MAP3K20: variants seen among roughly 807,000 people sequenced by gnomAD.
The protein encoded by MAP3K20 is HCCS-4.
Under a neutral mutation model 85.7 loss-of-function variants are expected in MAP3K20, and 40 were observed. That is an observed-to-expected ratio of 0.47 (90% CI 0.36 to 0.61). The LOEUF is 0.61. Among genes scored for constraint, MAP3K20 ranks in the 20% least tolerant of loss-of-function variants. The pLI is 0.00. For missense variants in MAP3K20, 817 were observed against 961.7 expected, an observed-to-expected ratio of 0.85 and a Z score of 1.99; for synonymous variants, 325 against 327.7, an observed-to-expected ratio of 0.99 and a Z score of 0.09.
intron 9 of MAP3K20, among the ~76,000 whole-genome samples, chr2:173,207,813 G>C (rs962825312): frequency 1.3e-5 from 2 of 150,364 alleles, no homozygotes; most frequent in African/African-American, 4.9e-5. Context: ...CCTAGACAAA[G>C]TGTTGTATTC....
rs146435167 is a variant in MAP3K20 at position 173,126,495 on chromosome 2, T to C, written c.159+35305T>C. Among the ~76,000 whole-genome samples the C allele has an allele frequency of 6.5e-3, 990 of 152,320 alleles. 8 individuals are homozygous for C. Among genetic ancestry groups the C allele is most frequent in the African/African-American group, 0.023 (941 of 41,570 alleles). On this transcript the variant is annotated intron_variant, in intron 2 of 19. Coordinates refer to ENST00000375213, the MANE Select transcript of MAP3K20 (RefSeq NM_016653.3). ...CCCAGGTTCAAGCGATTCTCATGCC[T>C]CAGCCTCCCAAGTAGCTGGGACTAC...
rs761040219 is a variant in MAP3K20 at position 173,266,731 on chromosome 2, G to A, written c.2384G>A (p.Arg795His). The A allele has an allele frequency of 4.6e-5, 70 of 1,514,190 alleles. No homozygotes were observed. The highest frequency in any genetic ancestry group is 7.0e-5 in the East Asian group (3 of 42,556). 93.8% of individuals were successfully genotyped at this position (1,514,190 alleles called of 1,614,324 possible). The change falls in exon 20 of 20, where the codon CGT (arginine) becomes CAT (histidine). Residue 795 changes from arginine (R) to histidine (H), a missense_variant. By Grantham distance (29) the Arg-to-His change is conservative. Coordinates refer to ENST00000375213, the MANE Select transcript of MAP3K20 (RefSeq NM_016653.3). Reference sequence around the variant, plus strand: ...AAAGAGAGAGCCAGAGGGGACCACCGTGGATGGAGAAACTTTTGATGAATT... The same window carrying A: ...AAAGAGAGAGCCAGAGGGGACCACCATGGATGGAGAAACTTTTGATGAATT... ...TNKERARGDH[R>H]GWRNF
At chr2:173,239,131 A>G (rs890233716) in intron 15 of MAP3K20, among the ~76,000 whole-genome samples, 9 of 152,208 alleles carry the variant, frequency 5.9e-5, no homozygotes, top group African/African-American at 2.2e-4. Context: ...TTTCTAGGGT[A>G]AAATTGCACA....
chr2:173,094,872 A>G (rs1234545889), intron 2 of MAP3K20, among the ~76,000 whole-genome samples: 3 of 152,182 alleles, frequency 2.0e-5, no homozygotes, highest in South Asian at 4.1e-4. Flanking sequence ...TTCCTTTGTA[A>G]TTAATAATTA....
chr2:173,101,261 A>C (rs1270257509), intron 2 of MAP3K20, among the ~76,000 whole-genome samples: 1 of 152,202 alleles, frequency 6.6e-6, no homozygotes, highest in Non-Finnish European at 1.5e-5. Context: ...TTTTATTTGC[A>C]AGCCAAAGCC....
At chr2:173,260,977 G>C in intron 17 of MAP3K20, 86 bp from the exon 18 acceptor site, 1 of 1,236,568 alleles carries the variant, frequency 8.1e-7, no homozygotes, top group Non-Finnish European at 1.2e-6. Context: ...TGCTAATTGT[G>C]TATGGCACAA....
rs563788391 is a variant in MAP3K20, at chr2:173,144,356, G to C, written c.160-25449G>C. On this transcript the variant is annotated intron_variant, in intron 2 of 19. Coordinates refer to ENST00000375213, the MANE Select transcript of MAP3K20 (RefSeq NM_016653.3). ...TGGGCACCTGTAGTCCCAGCTACTTGGGAGGCTGAGGCAGGAGAATGGTGT... is the reference window on the plus strand; with the variant it reads ...TGGGCACCTGTAGTCCCAGCTACTTCGGAGGCTGAGGCAGGAGAATGGTGT... Among the ~76,000 whole-genome samples the C allele has an allele frequency of 1.6e-3, 245 of 151,174 alleles. 1 individual carries two copies. The highest frequency in any genetic ancestry group is 3.8e-3 in the South Asian group (18 of 4,788).
chr2:173,087,311 G>T (rs912656115), intron 1 of MAP3K20, among the ~76,000 whole-genome samples: 12 of 152,226 alleles, frequency 7.9e-5, no homozygotes, highest in Admixed American at 2.0e-4. Flanking sequence ...ATAGGAGTTT[G>T]CTGTGCAGAG....
intron 16 of MAP3K20, among the ~76,000 whole-genome samples, chr2:173,242,791 C>T (rs553754272): frequency 6.0e-4 from 90 of 149,694 alleles, no homozygotes; most frequent in African/African-American, 2.0e-3. Flanking sequence ...ACTGCAACCT[C>T]CGCCTCCCAG....
At chr2:173,183,183 A>G (rs1380014100) in intron 4 of MAP3K20, among the ~76,000 whole-genome samples, 3 of 151,996 alleles carry the variant, frequency 2.0e-5, no homozygotes, top group Non-Finnish European at 4.4e-5. Flanking sequence ...ATTTCTATCC[A>G]CGAAATCTAG....
intron 16 of MAP3K20, among the ~76,000 whole-genome samples, chr2:173,250,365 G>A (rs960924356): frequency 6.6e-6 from 1 of 152,228 alleles, no homozygotes; most frequent in Non-Finnish European, 1.5e-5. Flanking sequence ...TTAGTGGAAA[G>A]AGAACACAGC....
intron 2 of MAP3K20, among the ~76,000 whole-genome samples, chr2:173,149,971 T>A (rs1289768667): frequency 6.6e-6 from 1 of 152,218 alleles, no homozygotes; most frequent in Non-Finnish European, 1.5e-5. Context: ...AGAGATGATA[T>A]GATGAATGAT....
intron 2 of MAP3K20, among the ~76,000 whole-genome samples, chr2:173,093,540 G>A (rs1459730365): frequency 6.6e-6 from 1 of 152,062 alleles, no homozygotes; most frequent in Admixed American, 6.5e-5. Context: ...ACTTTTCTCT[G>A]TTTTAGTGGG....
chr2:173,203,796 A>C lies in MAP3K20; in HGVS notation c.670A>C (p.Arg224=). The change falls in exon 9 of 20, where the codon AGA becomes CGA. Residue 224 remains arginine, a splice_region_variant and synonymous_variant. Transcript: ENST00000375213. ...TTTTGTTTCCCTCTGTCTATTGTAG[A>C]GATTAACCATTCCAAGCAGTTGCCC... ...VAWLVVEKNE[R]LTIPSSCPRS... is the part of the protein sequence containing the mutation. The C allele has an allele frequency of 6.2e-7, 1 of 1,612,876 alleles. No homozygotes were observed. Among genetic ancestry groups the C allele is most frequent in the Non-Finnish European group, 8.5e-7 (1 of 1,179,020 alleles).
chr2:173,136,292 T>A (rs893474914), intron 2 of MAP3K20, among the ~76,000 whole-genome samples: 7 of 152,244 alleles, frequency 4.6e-5, no homozygotes, highest in Admixed American at 2.6e-4. Flanking sequence ...TTCGTTCATG[T>A]TTCTTTCCCT....
At chr2:173,172,488 A>T (rs984528229) in intron 3 of MAP3K20, among the ~76,000 whole-genome samples, 4 of 152,188 alleles carry the variant, frequency 2.6e-5, no homozygotes, top group African/African-American at 4.8e-5. Flanking sequence ...CCAGAGCTTC[A>T]TAGATGGGTC....
At chr2:173,152,787 A>G (rs982627293) in intron 2 of MAP3K20, among the ~76,000 whole-genome samples, 1 of 152,234 alleles carries the variant, frequency 6.6e-6, no homozygotes, top group Non-Finnish European at 1.5e-5. Context: ...GTAATTTGAC[A>G]TAGTAGAAGT....
intron 11 of MAP3K20, chr2:173,223,373 C>T (rs1684303212): frequency 2.3e-6 from 2 of 888,576 alleles, no homozygotes; most frequent in Non-Finnish European, 2.7e-6. Context: ...GATCATTGTG[C>T]GGATTAAAAG....
rs753940541 is a variant in MAP3K20 at position 173,266,413 on chromosome 2, A to G, written c.2066A>G (p.Asn689Ser). ...NKYGRGSISL[N>S]SSPRGRYSGK... is the part of the protein sequence containing the mutation. ...TATGGACGTGGTAGTATATCACTCA[A>G]TTCTTCTCCTAGAGGAAGATACAGT... The change falls in exon 20 of 20, where the codon AAT (asparagine) becomes AGT (serine). Residue 689 changes from asparagine (N) to serine (S), a missense_variant. Asn to Ser is a conservative substitution (Grantham distance 46). Around this residue, in one of 4 missense-constraint regions of MAP3K20, gnomAD observed 454 missense variants for 476.9 expected, o/e 0.95. Coordinates refer to ENST00000375213, the MANE Select transcript of MAP3K20 (RefSeq NM_016653.3). 1.6e-5 allele frequency: 26 copies of G among 1,614,036 alleles called. No homozygotes were observed. In the East Asian group the frequency reaches 3.6e-4, roughly 22 times the overall value.
Sources: gnomAD v4.1 joint callset for allele counts (sites outside exome capture counted in the v4.1 genomes callset) on GRCh38, gnomAD v4.1.1 for gene constraint, gnomAD v4.1.1 regional missense constraint, MANE v1.5 for transcripts, NCBI Gene and HGNC (gene_info 2026-07-23, HGNC 2026-07-21) for gene names.